Variants in MAGI1 observed in about 807,000 individuals in gnomAD.
MAGI1 encodes membrane-associated guanylate kinase, WW and PDZ domain-containing protein 1.
In MAGI1, 58 loss-of-function variants were observed where a neutral mutation model predicts 139.9. The ratio of observed to expected loss-of-function variants is 0.41; its 90% confidence interval spans 0.34 to 0.52. The LOEUF is 0.52. MAGI1 is among the 20% of genes least tolerant of loss of function. The probability of loss-of-function intolerance (pLI) is 0.12; values close to 1 mark genes in which losing one functional copy is unlikely to be tolerated. For synonymous variants in MAGI1, 812 were observed against 737.9 expected, an observed-to-expected ratio of 1.10 and a Z score of -1.63; for missense variants, 1,874 against 1,901.6, an observed-to-expected ratio of 0.99 and a Z score of 0.27.
chr3:65,899,324 T>A (rs926560029), intron 1 of MAGI1, among the ~76,000 whole-genome samples: 1 of 152,190 alleles, frequency 6.6e-6, no homozygotes, highest in African/African-American at 2.4e-5. Flanking sequence ...AAAAGAGTCA[T>A]CAGAGGAAGG....
intron 18 of MAGI1, among the ~76,000 whole-genome samples, chr3:65,365,821 T>C (rs748822474): frequency 2.0e-5 from 3 of 152,186 alleles, no homozygotes; most frequent in Non-Finnish European, 4.4e-5. Flanking sequence ...ACATGTATCT[T>C]CCCATCACAT....
At chr3:65,701,322 G>A (rs2089591599) in intron 1 of MAGI1, among the ~76,000 whole-genome samples, 1 of 152,090 alleles carries the variant, frequency 6.6e-6, no homozygotes, top group African/African-American at 2.4e-5. Flanking sequence ...GCGTGATCTT[G>A]CCTTACTGCA....
chr3:65,462,828 C>T (rs1408755430), intron 5 of MAGI1, among the ~76,000 whole-genome samples: 1 of 152,088 alleles, frequency 6.6e-6, no homozygotes, highest in Non-Finnish European at 1.5e-5. Context: ...TGAAGAGCTG[C>T]TTCACATCCC....
At chr3:65,757,653 T>A (rs1260544809) in intron 1 of MAGI1, among the ~76,000 whole-genome samples, 1 of 152,160 alleles carries the variant, frequency 6.6e-6, no homozygotes, top group Non-Finnish European at 1.5e-5. Flanking sequence ...ATTATTAATT[T>A]CTATAAATAG....
chr3:65,510,588 A>G (rs2107748833), intron 2 of MAGI1, among the ~76,000 whole-genome samples: 1 of 141,184 alleles, frequency 7.1e-6, no homozygotes, highest in East Asian at 2.1e-4. Flanking sequence ...ATGAAGCGAG[A>G]AGGGAAGTTT....
chr3:65,452,079 T>C (rs1328766068), intron 6 of MAGI1, among the ~76,000 whole-genome samples: 1 of 152,164 alleles, frequency 6.6e-6, no homozygotes, highest in East Asian at 1.9e-4. Flanking sequence ...CAGAGCTGAA[T>C]GAACCTGTTC....
intron 2 of MAGI1, among the ~76,000 whole-genome samples, chr3:65,591,192 C>T (rs1220204550): frequency 1.3e-5 from 2 of 152,144 alleles, no homozygotes; most frequent in Admixed American, 1.3e-4. Context: ...GACTGTCAAG[C>T]TCACTATGTC....
intron 1 of MAGI1, among the ~76,000 whole-genome samples, chr3:65,876,952 C>T (rs1575808375): frequency 6.6e-6 from 1 of 152,066 alleles, no homozygotes; most frequent in East Asian, 1.9e-4. Context: ...ACCATGTTAG[C>T]CAGGATGGTC....
Position 65,581,981 on chromosome 3 carries a change from G to T in MAGI1, c.430+39991C>A, listed in dbSNP as rs115444504. ...TTTTGAAAAAAAGTGTACACAACTG[G>T]AACCTAGTGTATGTCAGGCATTGCA... On this transcript the variant is annotated intron_variant, in intron 2 of 22. Coordinates refer to ENST00000402939, the MANE Select transcript of MAGI1 (RefSeq NM_001033057.2). Among the ~76,000 whole-genome samples, 20 of 152,228 alleles carry T rather than the reference G, an allele frequency of 1.3e-4. No homozygotes were observed. In the East Asian group the frequency reaches 3.7e-3, roughly 28 times the overall value.
At chr3:65,556,964 AC>A (rs1269276705) in intron 2 of MAGI1, among the ~76,000 whole-genome samples, 1 of 152,170 alleles carries the variant, frequency 6.6e-6, no homozygotes, top group African/African-American at 2.4e-5. Flanking sequence ...TGCTCTGACC[AC>A]CTGGGAAAGG....
chr3:65,419,229 C>CACACACACACACACATACACACAT (rs1553641816), intron 12 of MAGI1, among the ~76,000 whole-genome samples: 27 of 144,832 alleles, frequency 1.9e-4, no homozygotes, highest in Admixed American at 1.5e-3. Flanking sequence ...CATACACACA[C>CACACACACACACACATACACACAT]ACACACACAC....
At chr3:66,006,883 T>C (rs1466367728) in intron 1 of MAGI1, among the ~76,000 whole-genome samples, 1 of 152,144 alleles carries the variant, frequency 6.6e-6, no homozygotes, top group Non-Finnish European at 1.5e-5. Flanking sequence ...CAGTCTGGAA[T>C]GTAGTAGCTC....
At chr3:66,022,150 A>C (rs2068002077) in intron 1 of MAGI1, among the ~76,000 whole-genome samples, 1 of 152,200 alleles carries the variant, frequency 6.6e-6, no homozygotes, top group African/African-American at 2.4e-5. Flanking sequence ...CAGCTGTCTT[A>C]TTCCCATTAA....
In MAGI1 at chr3:65,844,633, A is replaced by G. The variant is rs75189530; in HGVS notation, c.313+193363T>C. Among the ~76,000 whole-genome samples, 1,446 of 152,284 alleles carry G rather than the reference A, an allele frequency of 9.5e-3. 20 individuals carry two copies. The highest frequency in any genetic ancestry group is 0.033 in the African/African-American group (1,361 of 41,556). ...TGATCAACTGAGATCTTACTGAACCAGAATCCTAAATGGCATACTTCAGGA... is the reference window on the plus strand; with the variant it reads ...TGATCAACTGAGATCTTACTGAACCGGAATCCTAAATGGCATACTTCAGGA... On this transcript the variant is annotated intron_variant, in intron 1 of 22. Transcript: ENST00000402939.
At chr3:65,865,413 T>C (rs1255025248) in intron 1 of MAGI1, among the ~76,000 whole-genome samples, 1 of 152,026 alleles carries the variant, frequency 6.6e-6, no homozygotes, top group African/African-American at 2.4e-5. Context: ...CTAGGCAACA[T>C]GGTGAGACAT....
At chr3:65,752,140 G>C (rs1277713078) in intron 1 of MAGI1, among the ~76,000 whole-genome samples, 2 of 152,042 alleles carry the variant, frequency 1.3e-5, no homozygotes, top group South Asian at 2.1e-4. Flanking sequence ...GTACAAACAG[G>C]GTTTCACCAT....
At chr3:65,721,806 C>T (rs1002181872) in intron 1 of MAGI1, among the ~76,000 whole-genome samples, 2 of 151,400 alleles carry the variant, frequency 1.3e-5, no homozygotes, top group African/African-American at 4.9e-5. Context: ...CTTAAAATGG[C>T]TGTTTCTGTT....
chr3:65,710,386 T>G (rs2031212870), intron 1 of MAGI1, among the ~76,000 whole-genome samples: 1 of 144,898 alleles, frequency 6.9e-6, no homozygotes, highest in African/African-American at 2.5e-5. Flanking sequence ...GTTCAAGCAA[T>G]TCTCCTGCCT....
At chr3:65,535,604 T>G (rs897387746) in intron 2 of MAGI1, among the ~76,000 whole-genome samples, 10 of 152,178 alleles carry the variant, frequency 6.6e-5, no homozygotes, top group Admixed American at 2.0e-4. Context: ...TAAAAAGCAA[T>G]CCAAATGTTC....
Sources: gnomAD v4.1 joint callset for allele counts (sites outside exome capture counted in the v4.1 genomes callset) on GRCh38, gnomAD v4.1.1 for gene constraint, MANE v1.5 for transcripts, NCBI Gene and HGNC (gene_info 2026-07-23, HGNC 2026-07-21) for gene names.